Variants in REEP1 observed in about 807,000 individuals in gnomAD.
REEP1 encodes the protein receptor accessory protein 1.
REEP1 carries 22 observed loss-of-function variants against 40.3 expected under a neutral mutation model. That is an observed-to-expected ratio of 0.55 (90% CI 0.39 to 0.78). The LOEUF (loss-of-function observed/expected upper bound fraction) is 0.78, where lower values mean the gene tolerates loss of function less well. Ranked by LOEUF, REEP1 falls within the 30% of genes least tolerant of loss-of-function variation. The probability of loss-of-function intolerance (pLI) is 0.00; values close to 1 mark genes in which losing one functional copy is unlikely to be tolerated. For missense variants in REEP1, 280 were observed against 361.1 expected (o/e 0.78, Z 1.82); for synonymous variants, 116 against 139.2 (o/e 0.83, Z 1.17).
At chr2:86,232,099 A>C (rs935120448) in intron 6 of REEP1, among the ~76,000 whole-genome samples, 1 of 152,194 alleles carries the variant, frequency 6.6e-6, no homozygotes, top group Non-Finnish European at 1.5e-5. Context: ...CTTGGTATGC[A>C]GAGGCTGGGG....
intron 1 of REEP1, among the ~76,000 whole-genome samples, chr2:86,287,003 T>C (rs890168543): frequency 7.2e-5 from 11 of 152,248 alleles, no homozygotes; most frequent in Non-Finnish European, 1.5e-5. Context: ...AAATTGTATG[T>C]CACACAAGGG....
intron 1 of REEP1, among the ~76,000 whole-genome samples, chr2:86,313,666 C>T (rs947774669): frequency 6.6e-6 from 1 of 152,174 alleles, no homozygotes; most frequent in Non-Finnish European, 1.5e-5. Context: ...GATACTAATG[C>T]CCACCTCCCC....
intron 1 of REEP1, among the ~76,000 whole-genome samples, chr2:86,290,802 A>C (rs544347860): frequency 6.6e-6 from 1 of 152,190 alleles, no homozygotes; most frequent in Non-Finnish European, 1.5e-5. Flanking sequence ...CCTCCGTCTG[A>C]GCACACAGCT....
At chr2:86,222,565 G>A (rs1215680157) in intron 7 of REEP1, among the ~76,000 whole-genome samples, 1 of 152,214 alleles carries the variant, frequency 6.6e-6, no homozygotes, top group African/African-American at 2.4e-5. Flanking sequence ...CTGTTGCACA[G>A]TGGACTGAAT....
At chr2:86,226,585 C>T (rs1481280065) in intron 7 of REEP1, among the ~76,000 whole-genome samples, 1 of 150,934 alleles carries the variant, frequency 6.6e-6, no homozygotes, top group Non-Finnish European at 1.5e-5. Flanking sequence ...TCTCCTGCCT[C>T]AGCCTCTCAA....
At chr2:86,282,805 C>T (rs976401517) in intron 1 of REEP1, among the ~76,000 whole-genome samples, 16 of 152,148 alleles carry the variant, frequency 1.1e-4, no homozygotes, top group African/African-American at 3.6e-4. Context: ...AGCAAAAATA[C>T]CAGCAATGTG....
chr2:86,312,890 C>G (rs879501438), intron 1 of REEP1, among the ~76,000 whole-genome samples: 4 of 152,140 alleles, frequency 2.6e-5, no homozygotes, highest in Non-Finnish European at 5.9e-5. Flanking sequence ...GGCACAGATC[C>G]TGTGTTCCTC....
chr2:86,228,766 T>A (rs1037017368), intron 6 of REEP1, among the ~76,000 whole-genome samples: 2 of 152,180 alleles, frequency 1.3e-5, no homozygotes, highest in African/African-American at 4.8e-5. Flanking sequence ...CAACCCTTTT[T>A]ATGTGCCTTT....
chr2:86,220,720 C>T (rs1405837886), intron 7 of REEP1, among the ~76,000 whole-genome samples: 2 of 142,954 alleles, frequency 1.4e-5, no homozygotes, highest in African/African-American at 2.5e-5. Flanking sequence ...TTTTTTTTTG[C>T]GAAGGCCCAG....
At chr2:86,250,767 T>C (rs1303154545) in intron 5 of REEP1, among the ~76,000 whole-genome samples, 1 of 152,172 alleles carries the variant, frequency 6.6e-6, no homozygotes, top group Non-Finnish European at 1.5e-5. Context: ...CAGAATTCCT[T>C]GGCTTCCTGA....
intron 1 of REEP1, among the ~76,000 whole-genome samples, chr2:86,300,535 G>A (rs1679211957): frequency 2.0e-5 from 3 of 152,178 alleles, no homozygotes; most frequent in Admixed American, 1.3e-4. Flanking sequence ...TAGAAGTCTA[G>A]GGTGAGAGAG....
chr2:86,252,226 G>C (rs1397245526), intron 4 of REEP1, among the ~76,000 whole-genome samples, 156 bp from the exon 5 acceptor site: 3 of 152,140 alleles, frequency 2.0e-5, no homozygotes, highest in Non-Finnish European at 2.9e-5. Flanking sequence ...TGCGTGCAGA[G>C]GGGAGAGCAG....
intron 1 of REEP1, among the ~76,000 whole-genome samples, chr2:86,304,324 A>G (rs746846835): frequency 7.2e-5 from 11 of 152,218 alleles, no homozygotes; most frequent in Non-Finnish European, 1.3e-4. Context: ...TAGATAAAAG[A>G]TGAGTCTACT....
At chr2:86,234,538 A>G (rs1230903586) in intron 5 of REEP1, among the ~76,000 whole-genome samples, 2 of 152,180 alleles carry the variant, frequency 1.3e-5, no homozygotes, top group Non-Finnish European at 2.9e-5. Flanking sequence ...AAAGAAAGAA[A>G]GAAGTGCCAG....
chr2:86,272,163 A>G (rs1677492648), intron 2 of REEP1, among the ~76,000 whole-genome samples: 3 of 152,224 alleles, frequency 2.0e-5, no homozygotes, highest in Admixed American at 2.0e-4. Context: ...TGGAGGTTAC[A>G]GTGAGCCAAG....
chr2:86,255,926 A>G (rs1676531327), intron 3 of REEP1, among the ~76,000 whole-genome samples: 2 of 152,184 alleles, frequency 1.3e-5, no homozygotes, highest in South Asian at 4.2e-4. Flanking sequence ...CATATTTGGC[A>G]GTCCAGAGGT....
intron 7 of REEP1, among the ~76,000 whole-genome samples, chr2:86,226,478 T>C (rs959825781): frequency 2.3e-5 from 3 of 129,470 alleles, no homozygotes; most frequent in African/African-American, 5.4e-5. Context: ...CTTTTTTTTT[T>C]TTTTTTTTTG....
At chr2:86,250,310 T>C (rs1676199787) in intron 5 of REEP1, among the ~76,000 whole-genome samples, 1 of 152,200 alleles carries the variant, frequency 6.6e-6, no homozygotes, top group Non-Finnish European at 1.5e-5. Flanking sequence ...AGCAGCAGCC[T>C]GTTTTCCTCA....
At chr2:86,251,546 G>A in intron 5 of REEP1, 1 of 280,822 alleles carries the variant, frequency 3.6e-6, no homozygotes, top group East Asian at 8.8e-5. Flanking sequence ...CTGCATTTAG[G>A]CGACTCTCCC....
Sources: gnomAD v4.1 joint callset for allele counts (sites outside exome capture counted in the v4.1 genomes callset) on GRCh38, gnomAD v4.1.1 for gene constraint, MANE v1.5 for transcripts, NCBI Gene and HGNC (gene_info 2026-07-23, HGNC 2026-07-21) for gene names.